Variants in CADM2 observed in about 807,000 individuals in gnomAD.
The protein encoded by CADM2 is immunoglobulin superfamily member 4D.
Under a neutral mutation model 49.8 loss-of-function variants are expected in CADM2, and 12 were observed. The ratio of observed to expected loss-of-function variants is 0.24; its 90% CI spans 0.15 to 0.39. CADM2 has a LOEUF of 0.39. CADM2 is among the 10% of genes least tolerant of loss of function. The pLI is 1.00. For missense variants in CADM2, 378 were observed against 492.3 expected, an observed-to-expected ratio of 0.77 and a Z score of 2.20; for synonymous variants, 214 against 175.4, an observed-to-expected ratio of 1.22 and a Z score of -1.74.
chr3:85,773,359 G>T (rs1183745900), intron 2 of CADM2, among the ~76,000 whole-genome samples: 1 of 151,934 alleles, frequency 6.6e-6, no homozygotes, highest in Non-Finnish European at 1.5e-5. Flanking sequence ...TGTAAAGATA[G>T]GTACTGGAGG....
At chr3:86,055,473 T>TGTTTG (rs1375251215) in intron 8 of CADM2, among the ~76,000 whole-genome samples, 11 of 127,010 alleles carry the variant, frequency 8.7e-5, no homozygotes, top group African/African-American at 3.8e-4. Flanking sequence ...TTTTTTTTTT[T>TGTTTG]TTTTTTGGTT....
At chr3:85,295,969 C>G (rs1016566796) in intron 1 of CADM2, among the ~76,000 whole-genome samples, 1 of 151,076 alleles carries the variant, frequency 6.6e-6, no homozygotes, top group African/African-American at 2.4e-5. Flanking sequence ...AGTAGTAAAC[C>G]TAGTATATAA....
chr3:85,882,186 C>G lies in CADM2; in HGVS notation c.239-1105C>G, dbSNP rs73147153. On this transcript the variant is annotated intron_variant, in intron 3 of 9. Coordinates refer to ENST00000383699, the MANE Select transcript of CADM2 (RefSeq NM_001167675.2). ...CCCCGCATATACCCTCCCGCCTCAC[C>G]CTCCACACACACTGCTAGAGCTGCT... Among the ~76,000 whole-genome samples the G allele has an allele frequency of 2.5e-3, 376 of 150,612 alleles. 1 individual carries two copies. The highest frequency in any genetic ancestry group is 8.9e-3 in the African/African-American group (366 of 41,076).
intron 1 of CADM2, among the ~76,000 whole-genome samples, chr3:85,195,137 C>T (rs2041310600): frequency 6.6e-6 from 1 of 151,964 alleles, no homozygotes; most frequent in South Asian, 2.1e-4. Flanking sequence ...AGGGTTCATG[C>T]CCAAAACATG....
chr3:85,620,547 T>G (rs894029173), intron 1 of CADM2, among the ~76,000 whole-genome samples: 3 of 152,096 alleles, frequency 2.0e-5, no homozygotes, highest in Non-Finnish European at 4.4e-5. Flanking sequence ...ATTTCCATTA[T>G]AAAATGGAAA....
chr3:84,975,125 C>T (rs2031732042), intron 1 of CADM2, among the ~76,000 whole-genome samples: 1 of 151,778 alleles, frequency 6.6e-6, no homozygotes, highest in African/African-American at 2.4e-5. Flanking sequence ...ATTAGGCTGT[C>T]TGTTAATCTT....
At chr3:85,036,862 A>G (rs925970472) in intron 1 of CADM2, among the ~76,000 whole-genome samples, 19 of 151,960 alleles carry the variant, frequency 1.3e-4, no homozygotes, top group African/African-American at 4.6e-4. Flanking sequence ...CTATTAAGAT[A>G]TGATTCTGGC....
chr3:85,419,560 T>A (rs2036074690), intron 1 of CADM2, among the ~76,000 whole-genome samples: 1 of 152,206 alleles, frequency 6.6e-6, no homozygotes. Context: ...AGACCATCTT[T>A]GTTTTTGTAT....
chr3:85,173,562 A>C (rs537777428), intron 1 of CADM2, among the ~76,000 whole-genome samples: 30 of 152,244 alleles, frequency 2.0e-4, no homozygotes, highest in Middle Eastern at 3.4e-3. Context: ...CAATTTGATA[A>C]ATTTCTGGAC....
chr3:85,549,192 A>T lies in CADM2; in HGVS notation c.62-177330A>T, dbSNP rs1045743887. Among the ~76,000 whole-genome samples, 17 of 152,166 alleles carry T rather than the reference A, an allele frequency of 1.1e-4. 1 individual carries two copies. The highest frequency in any genetic ancestry group is 9.2e-4 in the Admixed American group (14 of 15,256). ...TCACATCTGTGGAATATATTTTCTG[A>T]TACGAAAATCAAATTAGCCAGGAAA... On this transcript the variant is annotated intron_variant, in intron 1 of 9. Transcript: ENST00000383699.
At chr3:85,460,814 G>A (rs2038211508) in intron 1 of CADM2, among the ~76,000 whole-genome samples, 2 of 151,898 alleles carry the variant, frequency 1.3e-5, no homozygotes, top group South Asian at 2.1e-4. Context: ...TGAGGAAAGT[G>A]TCTAATAGAT....
At chr3:85,310,129 T>C (rs78669288) in intron 1 of CADM2, among the ~76,000 whole-genome samples, 272 of 152,344 alleles carry the variant, frequency 1.8e-3, no homozygotes, top group Non-Finnish European at 3.1e-3. Flanking sequence ...TGTGCCATTC[T>C]AGAAAATGTA....
At chr3:85,342,299 AT>A (rs2029946622) in intron 1 of CADM2, among the ~76,000 whole-genome samples, 1 of 152,124 alleles carries the variant, frequency 6.6e-6, no homozygotes, top group Admixed American at 6.6e-5. Context: ...AAATGCATTA[AT>A]TTTTAAGTAG....
At chr3:85,256,800 T>A (rs2042895553) in intron 1 of CADM2, among the ~76,000 whole-genome samples, 1 of 152,144 alleles carries the variant, frequency 6.6e-6, no homozygotes, top group Admixed American at 6.6e-5. Context: ...GATATTGAAC[T>A]ATTTTACCAC....
intron 8 of CADM2, chr3:86,014,976 G>A (rs1265779206): frequency 7.8e-7 from 1 of 1,283,302 alleles, no homozygotes; most frequent in African/African-American, 1.5e-5. Flanking sequence ...CACTTTGACA[G>A]ACCAAAGTTC....
At chr3:85,255,655 T>G (rs892756573) in intron 1 of CADM2, among the ~76,000 whole-genome samples, 1 of 152,068 alleles carries the variant, frequency 6.6e-6, no homozygotes, top group Non-Finnish European at 1.5e-5. Flanking sequence ...AAGCACTAAA[T>G]ATGGAATTTC....
intron 2 of CADM2, among the ~76,000 whole-genome samples, chr3:85,737,627 G>A (rs935714351): frequency 2.0e-5 from 3 of 147,782 alleles, no homozygotes; most frequent in African/African-American, 7.5e-5. Flanking sequence ...GTGCCATCTC[G>A]GCTCACTGCA....
chr3:85,260,797 C>A lies in CADM2; in HGVS notation c.61+301129C>A, dbSNP rs554337533. Among the ~76,000 whole-genome samples the A allele has an allele frequency of 2.0e-4, 31 of 152,248 alleles. No individual in the cohort carries two copies. The South Asian group carries it at 6.4e-3, about 32-fold the overall frequency. ...AATTACTTGGAAAGTAAACTATTCA[C>A]AAATTATAGTTTTTAATCTATCATT... is the stretch of plus-strand genomic sequence containing the variant. On this transcript the variant is annotated intron_variant, in intron 1 of 9. Coordinates refer to ENST00000383699, the MANE Select transcript of CADM2 (RefSeq NM_001167675.2).
intron 1 of CADM2, among the ~76,000 whole-genome samples, chr3:85,663,956 T>C (rs1430555722): frequency 2.6e-5 from 4 of 152,020 alleles, no homozygotes. Flanking sequence ...AGAATTTTCG[T>C]CTTACGCAAT....
Sources: allele counts gnomAD v4.1 joint callset (sites outside exome capture counted in the v4.1 genomes callset), GRCh38; gene constraint gnomAD v4.1.1; transcripts MANE v1.5; gene names NCBI Gene and HGNC (gene_info 2026-07-23, HGNC 2026-07-21).